CSMD1: variants seen among roughly 807,000 people sequenced by gnomAD.
The protein encoded by CSMD1 is CUB and sushi domain-containing protein 1.
In CSMD1, 213 loss-of-function variants were observed where a neutral mutation model predicts 417.5. That is an observed-to-expected ratio of 0.51 (90% CI 0.46 to 0.57). The LOEUF is 0.57. Among genes scored for constraint, CSMD1 ranks in the 20% least tolerant of loss-of-function variants. The pLI is 0.00. For missense variants in CSMD1, 6,923 were observed against 4,529.7 expected (o/e 1.53, Z -15.17); for synonymous variants, 2,862 against 1,736.8 (o/e 1.65, Z -16.11).
intron 3 of CSMD1, among the ~76,000 whole-genome samples, chr8:4,198,485 A>G (rs901411100): frequency 1.1e-4 from 16 of 152,230 alleles, no homozygotes; most frequent in Middle Eastern, 3.4e-3. Context: ...AGAAATCACT[A>G]GAGGATGAGA....
intron 1 of CSMD1, among the ~76,000 whole-genome samples, chr8:4,750,016 TA>T (rs1253058319): frequency 6.6e-5 from 10 of 152,120 alleles, no homozygotes; most frequent in African/African-American, 2.4e-4. Context: ...TAATTATTAT[TA>T]TTTTTTTGAG....
At chr8:3,019,256 G>A (rs1005775332) in intron 51 of CSMD1, among the ~76,000 whole-genome samples, 2 of 151,226 alleles carry the variant, frequency 1.3e-5, no homozygotes, top group African/African-American at 4.9e-5. Flanking sequence ...GACAGGTATA[G>A]CTGAACCATT....
At chr8:4,915,097 G>A (rs1442492199) in intron 1 of CSMD1, among the ~76,000 whole-genome samples, 1 of 152,148 alleles carries the variant, frequency 6.6e-6, no homozygotes, top group Non-Finnish European at 1.5e-5. Context: ...AATATGGTCA[G>A]GCCGAGTCAA....
At chr8:4,801,887 G>C (rs972857512) in intron 1 of CSMD1, among the ~76,000 whole-genome samples, 1 of 152,182 alleles carries the variant, frequency 6.6e-6, no homozygotes, top group East Asian at 1.9e-4. Flanking sequence ...TGTATTTTAA[G>C]CATAGGTACT....
chr8:3,110,157 C>G lies in CSMD1; in HGVS notation c.6608+1G>C. Reference sequence around the variant, plus strand: ...TATTTTGACTTGAGAGGTTCTCATACCAAACAGCAATGTAATCGTTGACAG... The same window carrying G: ...TATTTTGACTTGAGAGGTTCTCATAGCAAACAGCAATGTAATCGTTGACAG... On this transcript the variant is annotated splice_donor_variant, in intron 43 of 69. Transcript: ENST00000635120. LOFTEE classifies it high-confidence loss of function. The G allele has an allele frequency of 1.9e-6, 3 of 1,599,732 alleles. No homozygotes were observed. Among genetic ancestry groups the G allele is most frequent in the South Asian group, 1.1e-5 (1 of 88,620 alleles).
chr8:4,086,901 T>C (rs997442154), intron 3 of CSMD1, among the ~76,000 whole-genome samples: 1 of 152,192 alleles, frequency 6.6e-6, no homozygotes, highest in Non-Finnish European at 1.5e-5. Context: ...TTGGCAACAA[T>C]CAGGCAAGGG....
chr8:3,961,344 G>A (rs1303656664), intron 5 of CSMD1, among the ~76,000 whole-genome samples: 3 of 152,144 alleles, frequency 2.0e-5, no homozygotes, highest in African/African-American at 7.2e-5. Flanking sequence ...TTTTAACCGG[G>A]TAAGCCACTG....
chr8:2,961,099 ATATTTCC>A (rs1803435224), intron 62 of CSMD1, 35 bp downstream of exon 62: 1 of 1,320,612 alleles, frequency 7.6e-7, no homozygotes. Context: ...AATATATTTT[ATATTTCC>A]AGAAAGAAAA....
chr8:3,395,149 G>C (rs1320767255), intron 17 of CSMD1, among the ~76,000 whole-genome samples: 4 of 152,132 alleles, frequency 2.6e-5, no homozygotes, highest in Non-Finnish European at 5.9e-5. Flanking sequence ...TAGTAGACAT[G>C]ATTCTATGCA....
At chr8:3,466,164 G>C (rs1417520808) in intron 12 of CSMD1, among the ~76,000 whole-genome samples, 1 of 151,468 alleles carries the variant, frequency 6.6e-6, no homozygotes, top group Non-Finnish European at 1.5e-5. Context: ...TTACTCAGTT[G>C]ATTTTTCAAT....
intron 49 of CSMD1, among the ~76,000 whole-genome samples, chr8:3,076,447 C>T (rs543939430): frequency 1.3e-5 from 1 of 78,660 alleles, no homozygotes; most frequent in African/African-American, 7.2e-5. Context: ...AGGACTCTAA[C>T]GTACTTTTTT....
intron 1 of CSMD1, among the ~76,000 whole-genome samples, chr8:4,684,001 G>C (rs976274015): frequency 6.6e-6 from 1 of 152,170 alleles, no homozygotes; most frequent in Non-Finnish European, 1.5e-5. Context: ...CACTGACTGA[G>C]TATTGCTCAA....
At chr8:3,653,768 C>A (rs17066820) in intron 7 of CSMD1, among the ~76,000 whole-genome samples, 2 of 152,042 alleles carry the variant, frequency 1.3e-5, no homozygotes, top group Admixed American at 6.6e-5. Context: ...CAGTGGGTCC[C>A]CAAAATGACA....
chr8:4,423,750 T>C (rs138561867), intron 2 of CSMD1, among the ~76,000 whole-genome samples: 1 of 151,846 alleles, frequency 6.6e-6, no homozygotes, highest in South Asian at 2.1e-4. Flanking sequence ...AAAAATAGAA[T>C]AGCTCAAACA....
At position 3,398,784 on chromosome 8, in the gene CSMD1, G is replaced by C. The variant is rs766377498; in HGVS notation, c.2405+607C>G. Reference sequence around the variant, plus strand: ...GAAATGGGAAAACCCTTCTTATATAGAACTCCAATAGCCTGCTTATTTTTT... The same window carrying C: ...GAAATGGGAAAACCCTTCTTATATACAACTCCAATAGCCTGCTTATTTTTT... On this transcript the variant is annotated intron_variant, in intron 16 of 69. Transcript: ENST00000635120. 8.4e-4 allele frequency among the ~76,000 whole-genome samples: 128 copies of C among 152,094 alleles called. 4 individuals carry two copies. Among genetic ancestry groups the C allele is most frequent in the Middle Eastern group, 3.2e-3 (1 of 316 alleles).
intron 5 of CSMD1, among the ~76,000 whole-genome samples, chr8:3,922,845 C>A (rs1347157866): frequency 6.6e-6 from 1 of 151,926 alleles, no homozygotes; most frequent in East Asian, 1.9e-4. Flanking sequence ...TACAACATGG[C>A]CTTCAGATAT....
At chr8:4,788,012 C>T (rs1275108818) in intron 1 of CSMD1, 4 of 1,590,164 alleles carry the variant, frequency 2.5e-6, no homozygotes, top group Non-Finnish European at 3.4e-6. Context: ...ATCGGGATCT[C>T]AAAGAAGTAA....
At position 4,544,749 on chromosome 8, in the gene CSMD1, C is replaced by T. The variant is rs148189926; in HGVS notation, c.302+92593G>A. ...ATGGGTCAATGTTACAGTGTCAGAG[C>T]AAATCCATTTTTGAAGGGCAGCACT... On this transcript the variant is annotated intron_variant, in intron 2 of 69. Coordinates refer to ENST00000635120, the MANE Select transcript of CSMD1 (RefSeq NM_033225.6). 1.6e-3 allele frequency among the ~76,000 whole-genome samples: 241 copies of T among 152,250 alleles called. 2 individuals carry two copies. Among genetic ancestry groups the T allele is most frequent in the African/African-American group, 5.7e-3 (237 of 41,544 alleles).
At chr8:3,390,062 A>T (rs879645646) in intron 17 of CSMD1, among the ~76,000 whole-genome samples, 2 of 152,246 alleles carry the variant, frequency 1.3e-5, no homozygotes, top group Non-Finnish European at 1.5e-5. Context: ...GAGAAAGAAC[A>T]TCTGGAATTT....
Sources: allele counts gnomAD v4.1 joint callset (sites outside exome capture counted in the v4.1 genomes callset), GRCh38; gene constraint gnomAD v4.1.1; transcripts MANE v1.5; gene names NCBI Gene and HGNC (gene_info 2026-07-23, HGNC 2026-07-21).